The following SOAT1 variants were observed in gnomAD, a reference collection of about 807,000 sequenced individuals.
SOAT1 encodes sterol O-acyltransferase 1, also known as acyl-coenzyme A:cholesterol acyltransferase 1.
In SOAT1, 55 loss-of-function variants were observed where a neutral mutation model predicts 69.5. The ratio of observed to expected loss-of-function variants is 0.79; its 90% confidence interval spans 0.64 to 0.99. The LOEUF is 0.99. Among genes scored for constraint, SOAT1 ranks in the 50% least tolerant of loss-of-function variants. The pLI, the probability that SOAT1 is intolerant of heterozygous loss-of-function variation, is 0.00. For synonymous variants in SOAT1, 231 were observed against 224.7 expected (o/e 1.03, Z -0.25); for missense variants, 580 against 669.3 (o/e 0.87, Z 1.47).
chr1:179,322,031 A>G (rs1434042618), intron 2 of SOAT1, among the ~76,000 whole-genome samples: 1 of 151,582 alleles, frequency 6.6e-6, no homozygotes, highest in African/African-American at 2.4e-5. Context: ...ACAGGCGTGC[A>G]CCACCATGCC....
chr1:179,349,640 CTGTGAGAAACACTT>C (rs1666656540), intron 13 of SOAT1, among the ~76,000 whole-genome samples: 1 of 152,070 alleles, frequency 6.6e-6, no homozygotes, highest in Admixed American at 6.6e-5. Flanking sequence ...AAACACTTTT[CTGTGAGAAACACTT>C]TTGTGTGGAT....
chr1:179,320,853 C>T (rs1375225048), intron 2 of SOAT1, among the ~76,000 whole-genome samples: 2 of 151,954 alleles, frequency 1.3e-5, no homozygotes, highest in Non-Finnish European at 2.9e-5. Context: ...GTTCTGCCAT[C>T]TTCCCAAGTG....
chr1:179,297,753 C>T (rs1019826960), intron 1 of SOAT1, among the ~76,000 whole-genome samples: 27 of 149,030 alleles, frequency 1.8e-4, no homozygotes, highest in Non-Finnish European at 3.1e-4. Flanking sequence ...AAAAAAATGC[C>T]GGGCGCGGTG....
chr1:179,319,331 G>C (rs1221662055), intron 2 of SOAT1, among the ~76,000 whole-genome samples: 1 of 148,892 alleles, frequency 6.7e-6, no homozygotes, highest in East Asian at 2.0e-4. Flanking sequence ...GAGCAATGGC[G>C]CGATCTCGGC....
chr1:179,328,204 T>C (rs1665853871), intron 3 of SOAT1, among the ~76,000 whole-genome samples: 1 of 152,230 alleles, frequency 6.6e-6, no homozygotes. Context: ...CCCAAAGTGC[T>C]GGGATTACAG....
At chr1:179,339,400 T>C in intron 5 of SOAT1, 38 bp from the exon 6 acceptor site, 2 of 1,364,558 alleles carry the variant, frequency 1.5e-6, no homozygotes, top group Admixed American at 4.3e-5. Flanking sequence ...AATTTAAATA[T>C]ACATTATTAA....
In SOAT1 at chr1:179,353,949, T is replaced by A. The variant is rs907527683; in HGVS notation, c.*308T>A. ...TTATCCCTTGGTAATTATATCTGTT[T>A]TGTTTCTTGACTCTGTCCAATCAGA... On this transcript the variant is annotated 3_prime_UTR_variant, in exon 16 of 16. Coordinates refer to ENST00000367619, the MANE Select transcript of SOAT1 (RefSeq NM_003101.6). The A allele has an allele frequency of 1.0e-5, 3 of 299,392 alleles. No homozygotes were observed. Among genetic ancestry groups the A allele is most frequent in the Non-Finnish European group, 1.9e-5 (3 of 162,036 alleles). The allele number at this position is 299,392 out of a possible 1,614,324, so 18.5% of individuals were successfully genotyped here.
At chr1:179,314,818 A>G (rs773929616) in intron 2 of SOAT1, among the ~76,000 whole-genome samples, 1 of 152,214 alleles carries the variant, frequency 6.6e-6, no homozygotes. Flanking sequence ...TGACATGTCA[A>G]GGAATAAATT....
At position 179,316,259 on chromosome 1, in the gene SOAT1, G is replaced by A. The variant is rs150343993; in HGVS notation, c.119-7178G>A. ...ATTGAAGACATTCCACTGTCTCCTGGCTTCCATTGATGTTAAGTCAGGTAT... is the reference window on the plus strand; with the variant it reads ...ATTGAAGACATTCCACTGTCTCCTGACTTCCATTGATGTTAAGTCAGGTAT... On this transcript the variant is annotated intron_variant, in intron 2 of 15. Coordinates refer to ENST00000367619, the MANE Select transcript of SOAT1 (RefSeq NM_003101.6). Among the ~76,000 whole-genome samples the A allele has an allele frequency of 1.3e-3, 199 of 151,874 alleles. 4 individuals carry two copies. In the East Asian group the frequency reaches 0.033, roughly 26 times the overall value.
chr1:179,358,269 T>G lies in SOAT1; in HGVS notation c.*4628T>G, dbSNP rs1026647110. On this transcript the variant is annotated 3_prime_UTR_variant, in exon 16 of 16. Transcript: ENST00000367619. Reference sequence around the variant, plus strand: ...AAAACTCTAAAACTTCTGTACTGTTTTTTTCTTAAGTGCTCTCTTCCTTAT... The same window carrying G: ...AAAACTCTAAAACTTCTGTACTGTTGTTTTCTTAAGTGCTCTCTTCCTTAT... 3.5e-4 allele frequency: 53 copies of G among 152,364 alleles called. No individual in the cohort carries two copies. The highest frequency in any genetic ancestry group is 9.4e-4 in the African/African-American group (39 of 41,588). 9.4% of individuals were successfully genotyped at this position (152,364 alleles called of 1,614,324 possible). A position where few individuals can be genotyped will look rare whatever the true frequency, so the allele number is the denominator to read the frequency against.
At position 179,303,643 on chromosome 1, in the gene SOAT1, G is replaced by A. The variant is rs140724907; in HGVS notation, c.118+841G>A. The stretch of plus-strand genomic sequence containing the variant: ...AATATCAACAGCTGGATCCCACCAG[G>A]AATGTAAACATTGCTGCTTGAGTTG... On this transcript the variant is annotated intron_variant, in intron 2 of 15. Transcript: ENST00000367619. Among the ~76,000 whole-genome samples, 285 of 152,278 alleles carry A rather than the reference G, an allele frequency of 1.9e-3. 4 individuals are homozygous for A. The highest frequency in any genetic ancestry group is 6.4e-3 in the African/African-American group (264 of 41,566).
At chr1:179,342,783 G>A in intron 8 of SOAT1, 79 bp from the exon 9 acceptor site, 1 of 982,130 alleles carries the variant, frequency 1.0e-6, no homozygotes, top group South Asian at 1.3e-5. Flanking sequence ...CCTGTTCTGT[G>A]CTTCCTTATA....
chr1:179,299,920 AT>A lies in SOAT1; in HGVS notation c.-8-2743del, dbSNP rs11371492. ...AGGCGCCTGCCCCCATGCCCAGCTAATTTTTTTTTTTTTTGTATTTTTCGTA... is the reference window on the plus strand; with the variant it reads ...AGGCGCCTGCCCCCATGCCCAGCTAATTTTTTTTTTTTTGTATTTTTCGTA... On this transcript the variant is annotated intron_variant, in intron 1 of 15. Coordinates refer to ENST00000367619, the MANE Select transcript of SOAT1 (RefSeq NM_003101.6). Among the ~76,000 whole-genome samples, 312 of 138,478 alleles carry A rather than the reference AT, an allele frequency of 2.3e-3. 2 individuals carry two copies. Among genetic ancestry groups the A allele is most frequent in the African/African-American group, 4.3e-3 (162 of 37,712 alleles). 90.8% of individuals were successfully genotyped at this position (138,478 alleles called of 152,430 possible).
intron 2 of SOAT1, among the ~76,000 whole-genome samples, chr1:179,314,353 C>G (rs1665320361): frequency 6.6e-6 from 1 of 152,094 alleles, no homozygotes; most frequent in South Asian, 2.1e-4. Context: ...TTATTTGTCT[C>G]TTTTCTTCTG....
At chr1:179,323,295 G>T in intron 2 of SOAT1, 142 bp from the exon 3 acceptor site, 2 of 598,328 alleles carry the variant, frequency 3.3e-6, no homozygotes, top group Non-Finnish European at 5.8e-6. Context: ...TAGTTATTTT[G>T]ACCATGCTGT....
chr1:179,319,332 C>T (rs1003446131), intron 2 of SOAT1, among the ~76,000 whole-genome samples: 17 of 149,580 alleles, frequency 1.1e-4, no homozygotes, highest in Non-Finnish European at 1.8e-4. Flanking sequence ...AGCAATGGCG[C>T]GATCTCGGCT....
chr1:179,297,176 C>T (rs1373496867), intron 1 of SOAT1, among the ~76,000 whole-genome samples: 2 of 152,214 alleles, frequency 1.3e-5, no homozygotes, highest in Non-Finnish European at 1.5e-5. Context: ...TCCTTCACTG[C>T]TAGACCTCTT....
At position 179,302,813 on chromosome 1, in the gene SOAT1, A is replaced by ATTTTTT; in HGVS notation, c.118+18_118+23dup. The ATTTTTT allele has an allele frequency of 8.1e-7, 1 of 1,230,780 alleles. No homozygotes were observed. The highest frequency in any genetic ancestry group is 1.1e-6 in the Non-Finnish European group (1 of 907,918). 76.2% of individuals were successfully genotyped at this position (1,230,780 alleles called of 1,614,324 possible). A position where few individuals can be genotyped will look rare whatever the true frequency, so the allele number is the denominator to read the frequency against. ...AGACACCTAGTAATGGTGAGGCTTAATTTTTTTTTTTTAGGTGAATTAGTG... is the reference window on the plus strand; with the variant it reads ...AGACACCTAGTAATGGTGAGGCTTAATTTTTTTTTTTTTTTTTTAGGTGAATTAGTG... On this transcript the variant is annotated intron_variant, in intron 2 of 15. Coordinates refer to ENST00000367619, the MANE Select transcript of SOAT1 (RefSeq NM_003101.6).
intron 10 of SOAT1, among the ~76,000 whole-genome samples, chr1:179,344,142 T>C (rs1298555952): frequency 6.6e-6 from 1 of 152,018 alleles, no homozygotes; most frequent in Non-Finnish European, 1.5e-5. Context: ...AATGTATTAT[T>C]TATAAAGTAA....
Sources: allele counts gnomAD v4.1 joint callset (sites outside exome capture counted in the v4.1 genomes callset), GRCh38; gene constraint gnomAD v4.1.1; transcripts MANE v1.5; gene names NCBI Gene and HGNC (gene_info 2026-07-23, HGNC 2026-07-21).